Variants in PCDH10 observed in about 807,000 individuals in gnomAD.
PCDH10 encodes the protein protocadherin-10.
PCDH10 carries 15 observed loss-of-function variants against 74.4 expected under a neutral mutation model. The ratio of observed to expected loss-of-function variants is 0.20; its 90% CI spans 0.13 to 0.31. The LOEUF (loss-of-function observed/expected upper bound fraction) is 0.31, where lower values mean the gene tolerates loss of function less well. Ranked by LOEUF, PCDH10 falls within the 10% of genes least tolerant of loss-of-function variation. PCDH10 has a pLI of 1.00. For synonymous variants in PCDH10, 619 were observed against 589.8 expected (o/e 1.05, Z -0.72); for missense variants, 1,260 against 1,390.2 (o/e 0.91, Z 1.49).
chr4:133,201,691 T>TA (rs928313231), intron 2 of PCDH10, among the ~76,000 whole-genome samples: 2 of 151,846 alleles, frequency 1.3e-5, no homozygotes, highest in Non-Finnish European at 2.9e-5. Context: ...ACCCCGTCTC[T>TA]ACTAAAAATA....
At chr4:133,171,393 A>G (rs186100493) in intron 4 of PCDH10, among the ~76,000 whole-genome samples, 15 of 152,280 alleles carry the variant, frequency 9.9e-5, no homozygotes, top group Admixed American at 9.2e-4. Flanking sequence ...ATAAGCATAG[A>G]AGTAACACAT....
At chr4:133,153,805 C>A (rs1726800639) in intron 1 of PCDH10, 1 of 152,734 alleles carries the variant, frequency 6.5e-6, no homozygotes, top group Non-Finnish European at 1.5e-5. Flanking sequence ...TATTAATTGA[C>A]TTTCATGAAT....
At chr4:133,163,871 T>C (rs1036518435) in intron 4 of PCDH10, 2 of 437,806 alleles carry the variant, frequency 4.6e-6, no homozygotes, top group Admixed American at 2.7e-5. Context: ...TAAAAGAGTT[T>C]TTAAAAACTT....
intron 4 of PCDH10, among the ~76,000 whole-genome samples, chr4:133,170,221 T>A (rs1727175435): frequency 6.6e-6 from 1 of 152,136 alleles, no homozygotes; most frequent in Admixed American, 6.5e-5. Flanking sequence ...TCGTACCTTA[T>A]ATAGCATCAT....
intron 2 of PCDH10, among the ~76,000 whole-genome samples, chr4:133,205,113 G>T: frequency 6.6e-6 from 1 of 152,138 alleles, no homozygotes; most frequent in Non-Finnish European, 1.5e-5. Flanking sequence ...GGATGGTTTG[G>T]TTAGGAGACC....
chr4:133,165,405 A>G (rs1032305888), intron 4 of PCDH10, among the ~76,000 whole-genome samples: 1 of 151,656 alleles, frequency 6.6e-6, no homozygotes. Flanking sequence ...TAAAAAATTT[A>G]TAGTTAGTCT....
chr4:133,197,289 T>C (rs1727815162), downstream of PCDH10, among the ~76,000 whole-genome samples: 1 of 152,210 alleles, frequency 6.6e-6, no homozygotes, highest in Non-Finnish European at 1.5e-5. Flanking sequence ...TTTGACAGAA[T>C]CATTTTGTTT....
At chr4:133,171,889 G>A (rs2125866802) in intron 4 of PCDH10, among the ~76,000 whole-genome samples, 1 of 152,006 alleles carries the variant, frequency 6.6e-6, no homozygotes, top group Non-Finnish European at 1.5e-5. Flanking sequence ...ATGCATATCA[G>A]ATGATTACAT....
downstream of PCDH10, among the ~76,000 whole-genome samples, chr4:133,197,032 A>G (rs1187405268): frequency 6.6e-6 from 1 of 152,172 alleles, no homozygotes; most frequent in Non-Finnish European, 1.5e-5. Context: ...TGCCATTGGT[A>G]TCCACTCATC....
At chr4:133,206,260 T>G (rs573284021) in intron 2 of PCDH10, among the ~76,000 whole-genome samples, 2 of 152,178 alleles carry the variant, frequency 1.3e-5, no homozygotes, top group Non-Finnish European at 2.9e-5. Flanking sequence ...CAAACTTCTT[T>G]GTATGACGAT....
At chr4:133,207,708 T>C (rs185645973) in intron 2 of PCDH10, among the ~76,000 whole-genome samples, 9 of 152,262 alleles carry the variant, frequency 5.9e-5, no homozygotes, top group Admixed American at 5.9e-4. Context: ...GAACAATATA[T>C]TTGGGAAAAA....
At chr4:133,165,318 A>G (rs1039685455) in intron 4 of PCDH10, among the ~76,000 whole-genome samples, 2 of 150,692 alleles carry the variant, frequency 1.3e-5, no homozygotes, top group African/African-American at 4.9e-5. Context: ...TTTTTAATTT[A>G]ACTTTTAGTA....
At chr4:133,164,229 G>A (rs1303877473) in intron 4 of PCDH10, among the ~76,000 whole-genome samples, 1 of 152,028 alleles carries the variant, frequency 6.6e-6, no homozygotes, top group African/African-American at 2.4e-5. Context: ...AGGAAATATT[G>A]AGATGTCTAA....
chr4:133,160,941 C>A (rs896584121), intron 3 of PCDH10, among the ~76,000 whole-genome samples: 4 of 151,956 alleles, frequency 2.6e-5, no homozygotes, highest in African/African-American at 9.7e-5. Flanking sequence ...CAGCACTTAT[C>A]ATGTCAAAGT....
At position 133,151,406 on chromosome 4, in the gene PCDH10, C is replaced by T. The variant is rs767338160; in HGVS notation, c.1266C>T (p.Asp422=). The change falls in exon 1 of 5, where the codon GAC becomes GAT. Residue 422 remains aspartate (D), a synonymous_variant. Transcript: ENST00000264360. The stretch of plus-strand genomic sequence containing the variant: ...CCATCGTTACCGAAGCCCCCCTGGA[C>T]CGAGAGGCGGGGGACTCCTACACCC... The part of the protein sequence containing the change: ...YYTIVTEAPL[D]REAGDSYTLT... 9 of 1,614,176 alleles carry T rather than the reference C, an allele frequency of 5.6e-6. No individual in the cohort carries two copies. In the Admixed American group the frequency reaches 1.5e-4, roughly 27 times the overall value.
intron 4 of PCDH10, among the ~76,000 whole-genome samples, chr4:133,166,236 T>C (rs535122391): frequency 2.8e-4 from 43 of 151,750 alleles, no homozygotes; most frequent in Middle Eastern, 3.4e-3. Flanking sequence ...CGTATTTAGA[T>C]TTACCTTAAA....
intron 4 of PCDH10, among the ~76,000 whole-genome samples, chr4:133,171,571 A>G (rs1314985586): frequency 6.6e-6 from 1 of 152,146 alleles, no homozygotes; most frequent in Non-Finnish European, 1.5e-5. Context: ...GCAACAGTAG[A>G]CAAAATAGAT....
At chr4:133,184,782 A>G (rs1247983517) in intron 4 of PCDH10, among the ~76,000 whole-genome samples, 1 of 138,360 alleles carries the variant, frequency 7.2e-6, no homozygotes, top group South Asian at 2.2e-4. Context: ...AAATATATAT[A>G]TAAATATATA....
intron 4 of PCDH10, among the ~76,000 whole-genome samples, chr4:133,187,393 G>C (rs1308692548): frequency 6.6e-6 from 1 of 152,086 alleles, no homozygotes; most frequent in Non-Finnish European, 1.5e-5. Flanking sequence ...TAAGGGACTT[G>C]AGCATCCTTC....
Sources: gnomAD v4.1 joint callset for allele counts (sites outside exome capture counted in the v4.1 genomes callset) on GRCh38, gnomAD v4.1.1 for gene constraint, MANE v1.5 for transcripts, NCBI Gene and HGNC (gene_info 2026-07-23, HGNC 2026-07-21) for gene names.